The following ABCG1 variants were observed in gnomAD, a reference collection of about 807,000 sequenced individuals.
ABCG1 encodes the protein ATP-binding cassette sub-family G member 1.
In ABCG1, 29 loss-of-function variants were observed where a neutral mutation model predicts 69.2. The ratio of observed to expected loss-of-function variants is 0.42; its 90% confidence interval spans 0.31 to 0.57. The LOEUF is 0.57. Ranked by LOEUF, ABCG1 falls within the 20% of genes least tolerant of loss-of-function variation. ABCG1 has a pLI of 0.15. For missense variants in ABCG1, 718 were observed against 898.1 expected, an observed-to-expected ratio of 0.80 and a Z score of 2.56; for synonymous variants, 370 against 374.8, an observed-to-expected ratio of 0.99 and a Z score of 0.15.
intron 2 of ABCG1, among the ~76,000 whole-genome samples, chr21:42,269,552 C>T (rs995318008): frequency 6.6e-6 from 1 of 152,218 alleles, no homozygotes; most frequent in East Asian, 1.9e-4. Context: ...TTCCTGTGCC[C>T]CTACCCCCGC....
chr21:42,201,640 C>T (rs2067507209), exon 2 of ABCG1: 2 of 1,594,068 alleles, frequency 1.3e-6, no homozygotes, highest in Non-Finnish European at 1.7e-6. Context: ...CAGCAGACAT[C>T]AGGGATCACC....
intron 2 of ABCG1, among the ~76,000 whole-genome samples, chr21:42,206,478 A>T (rs1247906662): frequency 1.3e-5 from 2 of 152,204 alleles, no homozygotes; most frequent in Non-Finnish European, 1.5e-5. Flanking sequence ...CTAACTTGGT[A>T]TCTGTTTTAT....
At chr21:42,201,665 A>G (rs772798063) in exon 2 of ABCG1, 2 of 1,609,876 alleles carry the variant, frequency 1.2e-6, no homozygotes, top group African/African-American at 1.3e-5. Context: ...CTGTGCCAGG[A>G]GCTGTTCTTG....
At chr21:42,213,926 G>A (rs2067613587), upstream of ABCG1, among the ~76,000 whole-genome samples, 2 of 152,296 alleles carry the variant, frequency 1.3e-5, no homozygotes, top group South Asian at 4.1e-4. Context: ...TTTACCTTGA[G>A]TCCCACTCAC....
intron 14 of ABCG1, 100 bp downstream of exon 14, chr21:42,294,760 T>A: frequency 2.8e-6 from 3 of 1,067,894 alleles, no homozygotes; most frequent in Non-Finnish European, 4.4e-6. Flanking sequence ...TCTGGGCTGC[T>A]GGCCAAGAGC....
chr21:42,283,739 A>AC (rs11411618), intron 6 of ABCG1, among the ~76,000 whole-genome samples: 2,337 of 18,814 alleles, frequency 0.12, 278 homozygotes, highest in Middle Eastern at 0.23. Flanking sequence ...ATGAGTGGGG[A>AC]CCCCCCACCT....
intron 14 of ABCG1, among the ~76,000 whole-genome samples, chr21:42,295,871 A>T (rs2069198616): frequency 6.6e-6 from 1 of 152,214 alleles, no homozygotes; most frequent in South Asian, 2.1e-4. Flanking sequence ...TCGGAAGTGA[A>T]CACAAGACTT....
At chr21:42,292,642 C>CACACACCACACT (rs1601459671) in intron 13 of ABCG1, among the ~76,000 whole-genome samples, 1 of 150,760 alleles carries the variant, frequency 6.6e-6, no homozygotes, top group South Asian at 2.1e-4. Flanking sequence ...CCACACTACA[C>CACACACCACACT]ACACACCACA....
intron 13 of ABCG1, among the ~76,000 whole-genome samples, chr21:42,292,554 G>A (rs2069083851): frequency 6.6e-6 from 1 of 151,846 alleles, no homozygotes; most frequent in Admixed American, 6.6e-5. Context: ...CTGTCTGCAC[G>A]GTTGCACACG....
chr21:42,269,492 C>T (rs1314101302), intron 2 of ABCG1, among the ~76,000 whole-genome samples: 3 of 152,288 alleles, frequency 2.0e-5, no homozygotes, highest in South Asian at 2.1e-4. Flanking sequence ...TCCTATTGTA[C>T]GAGCTGGTTC....
chr21:42,293,492 C>T (rs1406094759), intron 13 of ABCG1, among the ~76,000 whole-genome samples: 2 of 147,112 alleles, frequency 1.4e-5, no homozygotes, highest in Non-Finnish European at 1.5e-5. Context: ...CCACACACTA[C>T]ACACACATCA....
chr21:42,202,836 C>G (rs1033379701), intron 2 of ABCG1, among the ~76,000 whole-genome samples: 1 of 152,170 alleles, frequency 6.6e-6, no homozygotes, highest in African/African-American at 2.4e-5. Context: ...TGGTCTTGAA[C>G]TCCTGGGCTC....
At position 42,282,321 on chromosome 21, in the gene ABCG1, G is replaced by A. The variant is rs779168440; in HGVS notation, c.636G>A (p.Thr212=). 12 of 1,613,332 alleles carry A rather than the reference G, an allele frequency of 7.4e-6. No homozygotes were observed. The highest frequency in any genetic ancestry group is 6.6e-5 in the South Asian group (6 of 91,052). ...TALGLLSCAN[T]RTGSLSGGQR... is the part of the protein sequence containing the mutation. ...TGGGCTTGCTGTCTTGCGCCAACAC[G>A]CGGACCGGGAGCCTGTCAGGTGGTC... Residue 212 remains threonine (T), a synonymous_variant, in exon 6 of 15, where the codon ACG becomes ACA. Transcript: ENST00000398449.
rs764223953 is a variant in ABCG1, at chr21:42,278,401, C to T, written c.588+1456C>T. Among the ~76,000 whole-genome samples the T allele has an allele frequency of 2.1e-3, 323 of 152,284 alleles. 2 individuals carry two copies. Among genetic ancestry groups the T allele is most frequent in the Non-Finnish European group, 3.9e-3 (264 of 68,032 alleles). The stretch of plus-strand genomic sequence containing the variant: ...CCAAAAGATGATATGTTAAAGCCTA[C>T]ACCCCAGAAACCCAGAAATGGCTGT... On this transcript the variant is annotated intron_variant, in intron 5 of 14. Transcript: ENST00000398449.
chr21:42,257,213 C>A (rs1292422435), intron 2 of ABCG1, among the ~76,000 whole-genome samples: 1 of 152,230 alleles, frequency 6.6e-6, no homozygotes, highest in African/African-American at 2.4e-5. Context: ...TCAGGGCCCA[C>A]TGGAATCTCC....
intron 2 of ABCG1, among the ~76,000 whole-genome samples, chr21:42,203,101 AAAG>A (rs2067519623): frequency 6.6e-6 from 1 of 152,304 alleles, no homozygotes; most frequent in South Asian, 2.1e-4. Context: ...GGGCAGAAAA[AAAG>A]AAGAACCTGG....
chr21:42,283,746 ACCTCTGTCCT>A (rs2068866850), intron 6 of ABCG1, among the ~76,000 whole-genome samples: 1 of 12,364 alleles, frequency 8.1e-5, no homozygotes, highest in Non-Finnish European at 1.6e-4. Flanking sequence ...GGGACCCCCC[ACCTCTGTCCT>A]GCCTGGACAG....
At position 42,283,903 on chromosome 21, in the gene ABCG1, C is replaced by CT. The variant is rs540513190; in HGVS notation, c.735-657_735-656insT. On this transcript the variant is annotated intron_variant, in intron 6 of 14. Transcript: ENST00000398449. ...CGCCTGGACAGTTGCAAAGTCCCCC[C>CT]GCCCAGATGAGTGGGGACCCCCCCA... Among the ~76,000 whole-genome samples the CT allele has an allele frequency of 4.6e-3, 21 of 4,596 alleles. 1 individual carries two copies. The highest frequency in any genetic ancestry group is 0.019 in the African/African-American group (14 of 748). The allele number at this position is 4,596 out of a possible 152,430, so 3.0% of individuals were successfully genotyped here.
chr21:42,215,930 T>G (rs886124894), upstream of ABCG1: 43 of 266,062 alleles, frequency 1.6e-4, no homozygotes, highest in African/African-American at 9.9e-4. Flanking sequence ...AGTTTGGCTG[T>G]GTCCCCACCC....
Sources: allele counts gnomAD v4.1 joint callset (sites outside exome capture counted in the v4.1 genomes callset), GRCh38; gene constraint gnomAD v4.1.1; transcripts MANE v1.5; gene names NCBI Gene and HGNC (gene_info 2026-07-23, HGNC 2026-07-21).